KCNQ1: variants seen among roughly 807,000 people sequenced by gnomAD.
KCNQ1 encodes the protein potassium voltage-gated channel subfamily Q member 1, also known as potassium voltage-gated channel subfamily KQT member 1.
Under a neutral mutation model 72.4 loss-of-function variants are expected in KCNQ1, and 49 were observed. That is an observed-to-expected ratio of 0.68 (90% CI 0.54 to 0.86). The LOEUF (loss-of-function observed/expected upper bound fraction) is 0.86. Among genes scored for constraint, KCNQ1 ranks in the 40% least tolerant of loss-of-function variants. The pLI is 0.00. For missense variants in KCNQ1, 790 were observed against 945.1 expected, an observed-to-expected ratio of 0.84 and a Z score of 2.15; for synonymous variants, 450 against 412.6, an observed-to-expected ratio of 1.09 and a Z score of -1.10.
chr11:2,733,814 ACTCT>A (rs1554914246), intron 11 of KCNQ1, among the ~76,000 whole-genome samples: 3 of 86,614 alleles, frequency 3.5e-5, no homozygotes, highest in Admixed American at 2.5e-4. Flanking sequence ...ACACACACAC[ACTCT>A]CTCACTCTCT....
In KCNQ1 at chr11:2,473,110, C is replaced by T. The variant is rs1846515739; in HGVS notation, c.386+27626C>T. On this transcript the variant is annotated intron_variant, in intron 1 of 15. Transcript: ENST00000155840. This position sits in a 1 kb window ranked among gnomAD's most constrained non-coding sequence, Gnocchi z 6.0. ...GTGGCACACAGGGTCCCACCCATCTCAAGTCCATGGGATTAACTCCCCTGT... is the reference window on the plus strand; with the variant it reads ...GTGGCACACAGGGTCCCACCCATCTTAAGTCCATGGGATTAACTCCCCTGT... 6.6e-6 allele frequency among the ~76,000 whole-genome samples: 1 copy of T among 152,132 alleles called. No homozygotes were observed. The highest frequency in any genetic ancestry group is 2.4e-5 in the African/African-American group (1 of 41,422).
At chr11:2,529,569 G>C (rs1251977221) in intron 2 of KCNQ1, among the ~76,000 whole-genome samples, 2 of 152,124 alleles carry the variant, frequency 1.3e-5, no homozygotes, top group African/African-American at 2.4e-5. Flanking sequence ...AGTTGTTATT[G>C]TTGCCATCAC....
At position 2,690,126 on chromosome 11, in the gene KCNQ1, G is replaced by C; in HGVS notation, c.1514+28045G>C. On this transcript the variant is annotated intron_variant, in intron 11 of 15. Coordinates refer to ENST00000155840, the MANE Select transcript of KCNQ1 (RefSeq NM_000218.3). The surrounding 1 kb of genome is among the most constrained non-coding windows in gnomAD (Gnocchi z 5.1). ...TTCCGGGGTTAGAACTGGGGGAGCA[G>C]GGACAAAAAGCGGGCAGCCCTCCCC... The C allele has an allele frequency of 2.5e-6, 1 of 398,996 alleles. No homozygotes were observed. The highest frequency in any genetic ancestry group is 4.4e-6 in the Non-Finnish European group (1 of 226,344). 24.7% of individuals were successfully genotyped at this position (398,996 alleles called of 1,614,324 possible). A position where few individuals can be genotyped will look rare whatever the true frequency, so the allele number is the denominator to read the frequency against.
intron 15 of KCNQ1, among the ~76,000 whole-genome samples, chr11:2,842,723 TCAGGCCA>T (rs1347575241): frequency 3.3e-5 from 5 of 152,218 alleles, no homozygotes; most frequent in Admixed American, 2.6e-4. Flanking sequence ...TCCTTTGGCC[TCAGGCCA>T]CAGGCATACA....
At position 2,588,916 on chromosome 11, in the gene KCNQ1, G is replaced by C; in HGVS notation, c.1393+62G>C. ...GGGAAGGTCACTGCCTTTTTTGGGA[G>C]CCCGAGCAAGCCAGTGAGTTTCTCC... On this transcript the variant is annotated intron_variant, in intron 10 of 15. Coordinates refer to ENST00000155840, the MANE Select transcript of KCNQ1 (RefSeq NM_000218.3). The surrounding 1 kb of genome is among the most constrained non-coding windows in gnomAD (Gnocchi z 5.6). 1.3e-6 allele frequency: 2 copies of C among 1,575,318 alleles called. No individual in the cohort carries two copies. The highest frequency in any genetic ancestry group is 1.7e-6 in the Non-Finnish European group (2 of 1,158,248).
intron 2 of KCNQ1, among the ~76,000 whole-genome samples, chr11:2,542,805 T>C (rs577440010): frequency 6.6e-6 from 1 of 152,390 alleles, no homozygotes; most frequent in African/African-American, 2.4e-5. Flanking sequence ...CGTATCCCAT[T>C]GTACGGACGC....
intron 1 of KCNQ1, among the ~76,000 whole-genome samples, chr11:2,466,352 G>A (rs1465724323): frequency 6.6e-6 from 1 of 152,152 alleles, no homozygotes; most frequent in African/African-American, 2.4e-5. Context: ...CCCCAGGCTG[G>A]GGTTTGTCCC....
At chr11:2,585,949 G>A (rs1267643388) in intron 8 of KCNQ1, among the ~76,000 whole-genome samples, 1 of 152,208 alleles carries the variant, frequency 6.6e-6, no homozygotes, top group African/African-American at 2.4e-5. Flanking sequence ...ACCCACCAGA[G>A]AATGGGACTG....
rs1848195254 is a variant in KCNQ1, at chr11:2,562,890, A to G, written c.478-7738A>G. ...CGTCTTTAAAATTAATTTTCCTTTA[A>G]AGATACTGTAGAGCAGTAACATCAG... is the stretch of plus-strand genomic sequence containing the variant. On this transcript the variant is annotated intron_variant, in intron 2 of 15. Transcript: ENST00000155840. The surrounding 1 kb of genome is among the most constrained non-coding windows in gnomAD (Gnocchi z 7.5). Among the ~76,000 whole-genome samples the G allele has an allele frequency of 6.6e-6, 1 of 152,192 alleles. No individual in the cohort carries two copies. The highest frequency in any genetic ancestry group is 1.5e-5 in the Non-Finnish European group (1 of 68,032).
chr11:2,689,362 G>A, intron 11 of KCNQ1: 1 of 398,692 alleles, frequency 2.5e-6, no homozygotes, highest in Non-Finnish European at 4.4e-6. Flanking sequence ...GGTCAGCCTT[G>A]GGAAGAGGTG....
At chr11:2,788,481 G>T (rs1846954701) in intron 15 of KCNQ1, among the ~76,000 whole-genome samples, 1 of 152,072 alleles carries the variant, frequency 6.6e-6, no homozygotes, top group African/African-American at 2.4e-5. Flanking sequence ...AGAAAGTTAG[G>T]CAGCCTGGAC....
chr11:2,647,631 G>A lies in KCNQ1; in HGVS notation c.1394-14330G>A, dbSNP rs1289017166. On this transcript the variant is annotated intron_variant, in intron 10 of 15. Coordinates refer to ENST00000155840, the MANE Select transcript of KCNQ1 (RefSeq NM_000218.3). The surrounding 1 kb of genome is among the most constrained non-coding windows in gnomAD (Gnocchi z 4.0). ...AGTAGAAAACCCGTGCAATCCTGAG[G>A]TTTTCTTTACTGGGAGACTTTATTA... The A allele has an allele frequency of 2.5e-6, 1 of 398,338 alleles. No homozygotes were observed. Among genetic ancestry groups the A allele is most frequent in the Non-Finnish European group, 4.4e-6 (1 of 226,040 alleles). 24.7% of individuals were successfully genotyped at this position (398,338 alleles called of 1,614,324 possible).
Position 2,653,191 on chromosome 11 carries a change from G to A in KCNQ1, c.1394-8770G>A. 1 of 398,750 alleles carries A rather than the reference G, an allele frequency of 2.5e-6. No individual in the cohort carries two copies. The highest frequency in any genetic ancestry group is 4.4e-6 in the Non-Finnish European group (1 of 226,138). 24.7% of individuals were successfully genotyped at this position (398,750 alleles called of 1,614,324 possible). A position where few individuals can be genotyped will look rare whatever the true frequency, so the allele number is the denominator to read the frequency against. On this transcript the variant is annotated intron_variant, in intron 10 of 15. Coordinates refer to ENST00000155840, the MANE Select transcript of KCNQ1 (RefSeq NM_000218.3). This position sits in a 1 kb window ranked among gnomAD's most constrained non-coding sequence, Gnocchi z 5.3. The stretch of plus-strand genomic sequence containing the variant: ...AAATCCCTTTCCAAGAGTTCCCTGT[G>A]CTGTTGCAGGGCTAGGGCCAGGGCC...
Position 2,572,951 on chromosome 11 carries a change from T to C in KCNQ1, c.886T>C (p.Phe296Leu), listed in dbSNP as rs2133732908. 6.2e-7 allele frequency: 1 copy of C among 1,613,738 alleles called. No individual in the cohort carries two copies. Among genetic ancestry groups the C allele is most frequent in the East Asian group, 2.2e-5 (1 of 44,876 alleles). Reference protein sequence around the residue: ...DAVNESGRVEFGSYADALWWG... With the variant: ...DAVNESGRVELGSYADALWWG... ...GGTGAACGAGTCAGGCCGCGTGGAG[T>C]TCGGCAGCTACGCAGATGCGCTGTG... is the stretch of plus-strand genomic sequence containing the variant. The change falls in exon 6 of 16, where the codon TTC becomes CTC. Residue 296 changes from phenylalanine to leucine, a missense_variant. Physicochemically the swap from Phe to Leu is conservative, Grantham distance 22 (BLOSUM62 0). Coordinates refer to ENST00000155840, the MANE Select transcript of KCNQ1 (RefSeq NM_000218.3).
intron 8 of KCNQ1, among the ~76,000 whole-genome samples, chr11:2,586,413 G>A (rs948275697): frequency 2.6e-5 from 4 of 152,206 alleles, no homozygotes; most frequent in Non-Finnish European, 2.9e-5. Context: ...AATCAGGCCC[G>A]TAAACCCGCC....
Position 2,625,411 on chromosome 11 carries a change from A to G in KCNQ1, c.1394-36550A>G, listed in dbSNP as rs1849246480. The G allele has an allele frequency of 1.3e-5, 5 of 398,206 alleles. No homozygotes were observed. In the South Asian group the frequency reaches 6.4e-4, roughly 51 times the overall value. 24.7% of individuals were successfully genotyped at this position (398,206 alleles called of 1,614,324 possible). ...GCTGATACTAGAGATGGGTCTCACT[A>G]TGTTGCCTAGGCTGTGTTTATTTTT... On this transcript the variant is annotated intron_variant, in intron 10 of 15. Transcript: ENST00000155840.
chr11:2,528,040 G>A, intron 2 of KCNQ1, 22 bp downstream of exon 2: 1 of 1,589,024 alleles, frequency 6.3e-7, no homozygotes, highest in East Asian at 2.2e-5. Flanking sequence ...CTGAGGGCAT[G>A]GCTGGATGTC....
Position 2,613,147 on chromosome 11 carries a change from C to G in KCNQ1, c.1393+24293C>G, listed in dbSNP as rs1238225521. ...ATCTTCCACCCTCTGCTGAGGGGAT[C>G]TATGTGTGGGTTGGGACATTCAAAG... On this transcript the variant is annotated intron_variant, in intron 10 of 15. Transcript: ENST00000155840. The surrounding 1 kb of genome is among the most constrained non-coding windows in gnomAD (Gnocchi z 4.8). 2.5e-6 allele frequency: 1 copy of G among 398,450 alleles called. No homozygotes were observed. Among genetic ancestry groups the G allele is most frequent in the African/African-American group, 2.1e-5 (1 of 48,592 alleles). The allele number at this position is 398,450 out of a possible 1,614,324, so 24.7% of individuals were successfully genotyped here.
At chr11:2,496,377 C>T (rs2133635540) in intron 1 of KCNQ1, among the ~76,000 whole-genome samples, 1 of 151,726 alleles carries the variant, frequency 6.6e-6, no homozygotes, top group African/African-American at 2.4e-5. Context: ...GTGGAGCTTG[C>T]AGCGAGCCAA....
Sources: allele counts gnomAD v4.1 joint callset (sites outside exome capture counted in the v4.1 genomes callset), GRCh38; gene constraint gnomAD v4.1.1; non-coding constraint Gnocchi (gnomAD v3.1); transcripts MANE v1.5; gene names NCBI Gene and HGNC (gene_info 2026-07-23, HGNC 2026-07-21).